Variants in CCSER2 observed in about 807,000 individuals in gnomAD.
CCSER2 encodes serine-rich coiled-coil domain-containing protein 2.
In CCSER2, 46 loss-of-function variants were observed where a neutral mutation model predicts 92.3. The observed-to-expected ratio is 0.50, with a 90% confidence interval of 0.39 to 0.64. The LOEUF (loss-of-function observed/expected upper bound fraction) is 0.64, where lower values mean the gene tolerates loss of function less well. Ranked by LOEUF, CCSER2 falls within the 30% of genes least tolerant of loss-of-function variation. CCSER2 has a pLI of 0.00. For missense variants in CCSER2, 1,244 were observed against 1,238.9 expected (o/e 1.00, Z -0.06); for synonymous variants, 433 against 431.4 (o/e 1.00, Z -0.04).
chr10:84,457,532 T>C (rs2133629306), intron 6 of CCSER2, among the ~76,000 whole-genome samples: 2 of 119,418 alleles, frequency 1.7e-5, no homozygotes, highest in South Asian at 4.5e-4. Context: ...ATAATATATG[T>C]ATAATTATAT....
intron 4 of CCSER2, chr10:84,425,202 TTG>T (rs1843365378): frequency 3.1e-5 from 30 of 977,260 alleles, no homozygotes; most frequent in Non-Finnish European, 3.5e-5. Context: ...TGCAGGCAGA[TTG>T]AAGCGTCTTA....
intron 6 of CCSER2, among the ~76,000 whole-genome samples, chr10:84,447,656 T>G (rs1452035321): frequency 6.6e-6 from 1 of 152,228 alleles, no homozygotes; most frequent in African/African-American, 2.4e-5. Flanking sequence ...TCTAAAAAAT[T>G]AAGAATTTTG....
At chr10:84,329,283 C>T (rs1843429456) in intron 1 of CCSER2, among the ~76,000 whole-genome samples, 1 of 152,222 alleles carries the variant, frequency 6.6e-6, no homozygotes, top group African/African-American at 2.4e-5. Context: ...TTCAGATCTT[C>T]TCTCTTGTCT....
intron 5 of CCSER2, among the ~76,000 whole-genome samples, chr10:84,437,250 G>T (rs1258386221): frequency 2.0e-5 from 3 of 152,078 alleles, no homozygotes; most frequent in Non-Finnish European, 4.4e-5. Context: ...CGGGCATGGT[G>T]GCTCACACCT....
chr10:84,478,533 TTTTG>T (rs1324863842), intron 9 of CCSER2, among the ~76,000 whole-genome samples: 1 of 152,056 alleles, frequency 6.6e-6, no homozygotes, highest in African/African-American at 2.4e-5. Context: ...TATAAAAGAG[TTTTG>T]TTTCTTTTCA....
Position 84,371,772 on chromosome 10 carries a change from A to T in CCSER2, c.720A>T (p.Arg240Ser). 1 of 1,613,770 alleles carries T rather than the reference A, an allele frequency of 6.2e-7. No individual in the cohort carries two copies. Among genetic ancestry groups the T allele is most frequent in the Non-Finnish European group, 8.5e-7 (1 of 1,179,800 alleles). The change falls in exon 2 of 10, where the codon AGA (arginine) becomes AGT (serine). Residue 240 changes from arginine (R) to serine (S), a missense_variant. Physicochemically the swap from Arg to Ser is moderately radical, Grantham distance 110. Transcript: ENST00000372088. Reference sequence around the variant, plus strand: ...TCCTTCCACCTTCATCTATAACCAGATCACATTCCTTTAATAGAGCTGTGG... The same window carrying T: ...TCCTTCCACCTTCATCTATAACCAGTTCACATTCCTTTAATAGAGCTGTGG... Reference protein sequence around the residue: ...NSFLPPSSITRSHSFNRAVDL... With the variant: ...NSFLPPSSITSSHSFNRAVDL...
chr10:84,439,238 G>A (rs1844379530), intron 6 of CCSER2, among the ~76,000 whole-genome samples: 1 of 132,638 alleles, frequency 7.5e-6, no homozygotes, highest in Non-Finnish European at 1.6e-5. Context: ...TAGCAGTGAT[G>A]TCACTTGTCC....
intron 1 of CCSER2, among the ~76,000 whole-genome samples, chr10:84,340,276 G>T (rs1265630475): frequency 2.6e-5 from 4 of 152,064 alleles, no homozygotes; most frequent in African/African-American, 9.7e-5. Context: ...ACATTATGAG[G>T]TTTTTTTGTT....
intron 9 of CCSER2, among the ~76,000 whole-genome samples, chr10:84,489,582 C>G (rs1436671496): frequency 9.2e-5 from 14 of 151,484 alleles, no homozygotes; most frequent in Non-Finnish European, 1.5e-4. Context: ...TTTTGTTTTC[C>G]ATTTGCTTGG....
chr10:84,390,439 C>T (rs531945635), intron 3 of CCSER2, among the ~76,000 whole-genome samples: 1 of 152,242 alleles, frequency 6.6e-6, no homozygotes, highest in Non-Finnish European at 1.5e-5. Context: ...TCTTAGGATA[C>T]AAACCTGTAT....
chr10:84,468,175 G>GT (rs2133696735), intron 7 of CCSER2, among the ~76,000 whole-genome samples: 1 of 152,190 alleles, frequency 6.6e-6, no homozygotes, highest in South Asian at 2.1e-4. Context: ...CCTCACCTTT[G>GT]TATTATATTG....
chr10:84,489,482 C>A (rs1478408509), intron 9 of CCSER2, among the ~76,000 whole-genome samples: 1 of 152,176 alleles, frequency 6.6e-6, no homozygotes, highest in Admixed American at 6.5e-5. Context: ...GATCCCTTTA[C>A]CATTATGTAA....
At chr10:84,354,415 T>C (rs572118942) in intron 1 of CCSER2, among the ~76,000 whole-genome samples, 1 of 152,286 alleles carries the variant, frequency 6.6e-6, no homozygotes, top group South Asian at 2.1e-4. Flanking sequence ...AGCCCAATTA[T>C]TCTTTTTGGT....
intron 9 of CCSER2, among the ~76,000 whole-genome samples, chr10:84,501,832 A>ATATATATATATATAT (rs1447622843): frequency 3.2e-5 from 1 of 31,040 alleles, no homozygotes; most frequent in Non-Finnish European, 1.3e-4. Flanking sequence ...GAAAAAAAAA[A>ATATATATATATATAT]AAATATATAT....
At chr10:84,372,498 G>C in intron 2 of CCSER2, 29 bp downstream of exon 2, 1 of 1,317,462 alleles carries the variant, frequency 7.6e-7, no homozygotes, top group South Asian at 1.5e-5. Context: ...AAGTTTTTTT[G>C]CTTTCTTTTA....
chr10:84,330,350 T>C (rs1201175133), intron 1 of CCSER2, among the ~76,000 whole-genome samples: 1 of 152,224 alleles, frequency 6.6e-6, no homozygotes, highest in Admixed American at 6.5e-5. Context: ...ATTCTCTACC[T>C]AGTAAACAAC....
chr10:84,413,780 G>A (rs772951177), intron 3 of CCSER2, among the ~76,000 whole-genome samples: 10 of 152,096 alleles, frequency 6.6e-5, no homozygotes, highest in Non-Finnish European at 1.0e-4. Context: ...GGGAGTCTGC[G>A]TCTCTTTGTA....
At position 84,439,199 on chromosome 10, in the gene CCSER2, T is replaced by TTTTC. The variant is rs1193289908; in HGVS notation, c.2064+495_2064+496insCTTT. Among the ~76,000 whole-genome samples, 12 of 3,626 alleles carry TTTTC rather than the reference T, an allele frequency of 3.3e-3. No individual in the cohort carries two copies. In the East Asian group the frequency reaches 0.11, roughly 35 times the overall value. The allele number at this position is 3,626 out of a possible 152,430, so 2.4% of individuals were successfully genotyped here. On this transcript the variant is annotated intron_variant, in intron 6 of 9. Coordinates refer to ENST00000372088, the MANE Select transcript of CCSER2 (RefSeq NM_001284240.2). The stretch of plus-strand genomic sequence containing the variant: ...TTCTCCTGTTTTTTTTTTTCTTTTC[T>TTTTC]TTTTTTTTTTTGAGAAAATCTAGAC...
intron 5 of CCSER2, among the ~76,000 whole-genome samples, chr10:84,432,930 T>C (rs1344310331): frequency 6.6e-6 from 1 of 152,246 alleles, no homozygotes; most frequent in East Asian, 1.9e-4. Flanking sequence ...TGTTTGTAGA[T>C]GTCCATTTCT....
Sources: gnomAD v4.1 joint callset for allele counts (sites outside exome capture counted in the v4.1 genomes callset) on GRCh38, gnomAD v4.1.1 for gene constraint, MANE v1.5 for transcripts, NCBI Gene and HGNC (gene_info 2026-07-23, HGNC 2026-07-21) for gene names.